CPXM2: variants seen among roughly 807,000 people sequenced by gnomAD.
The protein encoded by CPXM2 is carboxypeptidase X, M14 family member 2, also known as inactive carboxypeptidase-like protein X2.
A neutral mutation model predicts 86.1 loss-of-function variants in CPXM2; 66 were observed. The ratio of observed to expected loss-of-function variants is 0.77; its 90% CI spans 0.63 to 0.94. The LOEUF (loss-of-function observed/expected upper bound fraction) is 0.94. Ranked by LOEUF, CPXM2 falls within the 40% of genes least tolerant of loss-of-function variation. The pLI is 0.00. For synonymous variants in CPXM2, 388 were observed against 400.2 expected, an observed-to-expected ratio of 0.97 and a Z score of 0.36; for missense variants, 948 against 1,026.3, an observed-to-expected ratio of 0.92 and a Z score of 1.04.
intron 1 of CPXM2, among the ~76,000 whole-genome samples, chr10:123,884,711 C>G (rs1945152846): frequency 6.6e-6 from 1 of 151,870 alleles, no homozygotes; most frequent in Non-Finnish European, 1.5e-5. Context: ...AATCCCATGG[C>G]CCATCTCTCT....
chr10:123,912,821 T>C (rs2138921), intron 2 of CPXM2, among the ~76,000 whole-genome samples: 77,187 of 152,072 alleles, frequency 0.51, 19,961 homozygotes, highest in Middle Eastern at 0.68. Flanking sequence ...CAGTTATTTT[T>C]GTCTCTGAAG....
At chr10:123,764,920 A>G (rs1326324131) in intron 10 of CPXM2, among the ~76,000 whole-genome samples, 3 of 152,312 alleles carry the variant, frequency 2.0e-5, no homozygotes, top group African/African-American at 7.2e-5. Context: ...GCTGTAATCC[A>G]CAAATTTTCA....
intron 9 of CPXM2, among the ~76,000 whole-genome samples, chr10:123,768,180 G>A (rs998608850): frequency 1.3e-5 from 2 of 152,052 alleles, no homozygotes; most frequent in African/African-American, 2.4e-5. Context: ...CTTAGGTCAC[G>A]AGTTTGAGAC....
At chr10:123,905,698 C>T (rs905023680) in intron 2 of CPXM2, among the ~76,000 whole-genome samples, 4 of 152,132 alleles carry the variant, frequency 2.6e-5, no homozygotes, top group Admixed American at 6.5e-5. Context: ...TTCACGAAGC[C>T]GTCTCTGTGA....
In CPXM2 at chr10:123,767,240, C is replaced by T. The variant is rs914843551; in HGVS notation, c.1300-88G>A. ...ACAAGATGCATCTGTCTCCACTTCC[C>T]CTTGGGGAATGTCTCTAAGCCTCTA... On this transcript the variant is annotated intron_variant, in intron 9 of 13. Transcript: ENST00000241305. The T allele has an allele frequency of 1.2e-5, 15 of 1,236,496 alleles. No homozygotes were observed. In the African/African-American group the frequency reaches 2.2e-4, roughly 18 times the overall value. The allele number at this position is 1,236,496 out of a possible 1,614,324, so 76.6% of individuals were successfully genotyped here. A position where few individuals can be genotyped will look rare whatever the true frequency, so the allele number is the denominator to read the frequency against.
chr10:123,857,479 A>G (rs2134185788), intron 3 of CPXM2, among the ~76,000 whole-genome samples: 1 of 152,186 alleles, frequency 6.6e-6, no homozygotes, highest in Middle Eastern at 3.4e-3. Context: ...CAGTGTTTAA[A>G]TACAGCTGTA....
intron 4 of CPXM2, among the ~76,000 whole-genome samples, chr10:123,831,941 C>T (rs940864938): frequency 4.1e-3 from 42 of 10,272 alleles, no homozygotes; most frequent in African/African-American, 0.014. Flanking sequence ...GGGTGGAGGC[C>T]GGGGGTGGGG....
intron 4 of CPXM2, among the ~76,000 whole-genome samples, chr10:123,803,653 G>GT (rs1461273474): frequency 6.6e-6 from 1 of 151,678 alleles, no homozygotes; most frequent in Non-Finnish European, 1.5e-5. Flanking sequence ...GTTTTCTTCT[G>GT]TTTTTTGTTT....
At chr10:123,751,464 ATT>A (rs1846074524) in intron 13 of CPXM2, 2 of 976,972 alleles carry the variant, frequency 2.0e-6, no homozygotes, top group Non-Finnish European at 2.4e-6. Context: ...TTTCCTTATA[ATT>A]TCTCCCGCCA....
intron 1 of CPXM2, among the ~76,000 whole-genome samples, chr10:123,883,801 G>GC (rs997827149): frequency 8.6e-5 from 13 of 151,960 alleles, no homozygotes; most frequent in Admixed American, 7.9e-4. Context: ...CAGCACACAG[G>GC]CCCCCCCTTC....
At chr10:123,781,887 A>G (rs888052974) in intron 6 of CPXM2, among the ~76,000 whole-genome samples, 2 of 152,218 alleles carry the variant, frequency 1.3e-5, no homozygotes, top group Non-Finnish European at 2.9e-5. Flanking sequence ...CACAAGTGCC[A>G]TACCCGAACT....
intron 3 of CPXM2, among the ~76,000 whole-genome samples, chr10:123,855,269 A>C (rs1386147569): frequency 6.6e-6 from 1 of 152,218 alleles, no homozygotes; most frequent in Non-Finnish European, 1.5e-5. Flanking sequence ...AACTATGTCT[A>C]CTGTGATTAT....
chr10:123,881,627 A>G (rs1945094492), intron 1 of CPXM2, among the ~76,000 whole-genome samples: 1 of 152,172 alleles, frequency 6.6e-6, no homozygotes, highest in African/African-American at 2.4e-5. Context: ...GCTTCTGGCT[A>G]CAGCCTGAGA....
chr10:123,766,842 C>G, intron 10 of CPXM2, 131 bp downstream of exon 10: 1 of 699,354 alleles, frequency 1.4e-6, no homozygotes, highest in Admixed American at 2.5e-5. Flanking sequence ...GCATACTTCT[C>G]TGCTTTTGGA....
chr10:123,933,534 A>G (rs1243891159), intron 2 of CPXM2, among the ~76,000 whole-genome samples: 1 of 152,184 alleles, frequency 6.6e-6, no homozygotes, highest in African/African-American at 2.4e-5. Flanking sequence ...CCTTGCCAAC[A>G]TGGTGAAACC....
intron 1 of CPXM2, among the ~76,000 whole-genome samples, chr10:123,881,232 T>TCTTCCCTTCCCTTCC (rs201527972): frequency 0.043 from 2,803 of 65,128 alleles, 496 homozygotes; most frequent in South Asian, 0.098. Context: ...AGCACCCTTC[T>TCTTCCCTTCCCTTCC]CTTCCCTTCC....
chr10:123,831,107 C>T (rs1253759229), intron 4 of CPXM2, among the ~76,000 whole-genome samples: 10 of 152,184 alleles, frequency 6.6e-5, no homozygotes, highest in Non-Finnish European at 1.5e-4. Context: ...TATCTATTCT[C>T]CATTACCTCC....
chr10:123,857,398 C>A (rs954534385), intron 3 of CPXM2, among the ~76,000 whole-genome samples: 1 of 151,912 alleles, frequency 6.6e-6, no homozygotes, highest in African/African-American at 2.4e-5. Context: ...GGTCTAGAAG[C>A]AGAAGACTGA....
rs115496215 is a variant in CPXM2 at position 123,938,621 on chromosome 10, G to A, written n.174+856C>T. ...GGGAGCCTGGGACACTGTGCACCTG[G>A]CCAAGGGGAACAGGGTCACTGTGAC... On this transcript the variant is annotated intron_variant and non_coding_transcript_variant, in intron 2 of 19. Coordinates refer to the CPXM2 transcript ENST00000368854. 3.9e-3 allele frequency among the ~76,000 whole-genome samples: 593 copies of A among 152,272 alleles called. 3 individuals are homozygous for A. Among genetic ancestry groups the A allele is most frequent in the African/African-American group, 0.014 (567 of 41,564 alleles).
Sources: gnomAD v4.1 joint callset for allele counts (sites outside exome capture counted in the v4.1 genomes callset) on GRCh38, gnomAD v4.1.1 for gene constraint, MANE v1.5 for transcripts, NCBI Gene and HGNC (gene_info 2026-07-23, HGNC 2026-07-21) for gene names.